SYT14: variants seen among roughly 807,000 people sequenced by gnomAD.
SYT14 encodes synaptotagmin-14.
A neutral mutation model predicts 74.2 loss-of-function variants in SYT14; 32 were observed. The ratio of observed to expected loss-of-function variants is 0.43; its 90% CI spans 0.33 to 0.58. The LOEUF is 0.58. SYT14 is among the 20% of genes least tolerant of loss of function. The probability of loss-of-function intolerance (pLI) is 0.05; values close to 1 mark genes in which losing one functional copy is unlikely to be tolerated. For synonymous variants in SYT14, 298 were observed against 337.7 expected (o/e 0.88, Z 1.29); for missense variants, 791 against 981.8 (o/e 0.81, Z 2.60).
At chr1:209,966,231 T>G (rs1195224407) in intron 2 of SYT14, among the ~76,000 whole-genome samples, 1 of 152,192 alleles carries the variant, frequency 6.6e-6, no homozygotes, top group Non-Finnish European at 1.5e-5. Context: ...AATACCAAAG[T>G]GTCTTTATTA....
At chr1:210,136,281 T>C (rs1331750579) in intron 7 of SYT14, among the ~76,000 whole-genome samples, 1 of 151,966 alleles carries the variant, frequency 6.6e-6, no homozygotes, top group African/African-American at 2.4e-5. Flanking sequence ...CGTGCATGTG[T>C]ATGTGAGAGA....
chr1:210,100,812 C>CTAGGCAATACATTAAGAAG (rs1275050758), intron 7 of SYT14, among the ~76,000 whole-genome samples: 1 of 151,990 alleles, frequency 6.6e-6, no homozygotes, highest in Non-Finnish European at 1.5e-5. Context: ...CAGGTTAAAA[C>CTAGGCAATACATTAAGAAG]TAGGCAATAC....
chr1:210,150,163 A>G (rs747780840), intron 7 of SYT14, among the ~76,000 whole-genome samples: 16 of 152,192 alleles, frequency 1.1e-4, no homozygotes, highest in African/African-American at 3.6e-4. Flanking sequence ...GCTGCCGGCA[A>G]CTAGGAGGGA....
chr1:210,066,313 C>G (rs1281122105), intron 5 of SYT14, among the ~76,000 whole-genome samples: 9 of 151,980 alleles, frequency 5.9e-5, no homozygotes, highest in Admixed American at 3.3e-4. Context: ...CTGACTTCCA[C>G]AATGGTTGAA....
intron 2 of SYT14, among the ~76,000 whole-genome samples, chr1:210,004,156 A>G (rs1233035064): frequency 6.6e-6 from 1 of 152,062 alleles, no homozygotes; most frequent in Non-Finnish European, 1.5e-5. Flanking sequence ...CAACATTTTC[A>G]TTAACATTTA....
At chr1:209,961,838 T>G (rs1038608730) in intron 2 of SYT14, among the ~76,000 whole-genome samples, 1 of 152,194 alleles carries the variant, frequency 6.6e-6, no homozygotes, top group South Asian at 2.1e-4. Flanking sequence ...ACCTACTGAG[T>G]TACTAATGTT....
At chr1:209,952,365 T>G (rs991003190) in intron 1 of SYT14, among the ~76,000 whole-genome samples, 1 of 152,120 alleles carries the variant, frequency 6.6e-6, no homozygotes, top group African/African-American at 2.4e-5. Context: ...ATGTTAAGGC[T>G]CAGATACAAA....
At chr1:210,098,819 T>TAA (rs1558187677) in intron 6 of SYT14, among the ~76,000 whole-genome samples, 4 of 152,096 alleles carry the variant, frequency 2.6e-5, no homozygotes, top group Admixed American at 2.0e-4. Flanking sequence ...TAGCTGGGAC[T>TAA]ACAGGCACCT....
chr1:210,102,724 C>A (rs749512126), intron 7 of SYT14, among the ~76,000 whole-genome samples: 1 of 152,102 alleles, frequency 6.6e-6, no homozygotes, highest in Admixed American at 6.6e-5. Context: ...CAGGGTCACC[C>A]AGGCTGGGGT....
intron 1 of SYT14, among the ~76,000 whole-genome samples, chr1:209,944,975 A>G (rs1241713681): frequency 6.6e-6 from 1 of 152,154 alleles, no homozygotes; most frequent in Non-Finnish European, 1.5e-5. Context: ...GGTGCTTGCC[A>G]TGGGCCAGGC....
intron 7 of SYT14, among the ~76,000 whole-genome samples, chr1:210,126,159 C>T (rs1377733807): frequency 6.6e-6 from 1 of 151,982 alleles, no homozygotes; most frequent in Non-Finnish European, 1.5e-5. Context: ...GCTGAGATCA[C>T]CCCAGTGCAC....
chr1:210,152,229 G>A (rs1330973043), intron 7 of SYT14, among the ~76,000 whole-genome samples: 3 of 152,108 alleles, frequency 2.0e-5, no homozygotes, highest in African/African-American at 7.2e-5. Context: ...CTTCCACTCT[G>A]TAGTCTACAG....
chr1:210,023,360 T>C (rs938749019), intron 5 of SYT14, among the ~76,000 whole-genome samples: 1 of 152,160 alleles, frequency 6.6e-6, no homozygotes, highest in African/African-American at 2.4e-5. Flanking sequence ...ACAAACTTTC[T>C]TGAGATGGAG....
chr1:210,097,137 A>C (rs1309841228), intron 6 of SYT14, among the ~76,000 whole-genome samples: 4 of 152,228 alleles, frequency 2.6e-5, no homozygotes, highest in African/African-American at 9.6e-5. Flanking sequence ...GTGAATGCCG[A>C]TAGCCTATGC....
chr1:210,019,974 T>G (rs1572167937), intron 4 of SYT14, among the ~76,000 whole-genome samples: 1 of 152,310 alleles, frequency 6.6e-6, no homozygotes, highest in African/African-American at 2.4e-5. Flanking sequence ...TATATTTAAG[T>G]AAAGTTTTCC....
chr1:210,011,365 T>C (rs1206692762), intron 2 of SYT14, among the ~76,000 whole-genome samples: 2 of 152,212 alleles, frequency 1.3e-5, no homozygotes, highest in Non-Finnish European at 1.5e-5. Context: ...TTTTCTTCCC[T>C]GGCTGTGCTT....
At chr1:209,951,992 G>A (rs891684887) in intron 1 of SYT14, among the ~76,000 whole-genome samples, 1 of 152,136 alleles carries the variant, frequency 6.6e-6, no homozygotes, top group Non-Finnish European at 1.5e-5. Flanking sequence ...GTAGTGCCTA[G>A]GAAGATGAGT....
intron 7 of SYT14, among the ~76,000 whole-genome samples, chr1:210,151,915 G>A (rs1441108900): frequency 1.3e-5 from 2 of 152,154 alleles, no homozygotes; most frequent in Non-Finnish European, 2.9e-5. Flanking sequence ...AAAAGTGGCA[G>A]TATGACTTCT....
At chr1:209,948,581 A>C (rs2078859198) in intron 1 of SYT14, among the ~76,000 whole-genome samples, 2 of 152,224 alleles carry the variant, frequency 1.3e-5, no homozygotes, top group South Asian at 4.1e-4. Context: ...GTTTTTATGC[A>C]GTTCTATTTA....
Sources: allele counts gnomAD v4.1 joint callset (sites outside exome capture counted in the v4.1 genomes callset), GRCh38; gene constraint gnomAD v4.1.1; transcripts MANE v1.5; gene names NCBI Gene and HGNC (gene_info 2026-07-23, HGNC 2026-07-21).